Variants in FBXO42 observed in about 807,000 individuals in gnomAD.
FBXO42 encodes F-box only protein 42.
A neutral mutation model predicts 71.7 loss-of-function variants in FBXO42; 12 were observed. That is an observed-to-expected ratio of 0.17 (90% CI 0.11 to 0.27). FBXO42 has a LOEUF of 0.27. Among genes scored for constraint, FBXO42 ranks in the 10% least tolerant of loss-of-function variants. FBXO42 has a pLI of 1.00. For synonymous variants in FBXO42, 325 were observed against 327.5 expected (o/e 0.99, Z 0.08); for missense variants, 707 against 911.9 (o/e 0.78, Z 2.89).
intron 4 of FBXO42, among the ~76,000 whole-genome samples, chr1:16,276,361 C>A (rs1352025760): frequency 7.0e-6 from 1 of 142,740 alleles, no homozygotes; most frequent in East Asian, 2.0e-4. Context: ...GCCCGGGCGA[C>A]AGACCGACAC....
intron 4 of FBXO42, among the ~76,000 whole-genome samples, chr1:16,269,203 T>C (rs1191316812): frequency 6.7e-6 from 1 of 150,292 alleles, no homozygotes; most frequent in African/African-American, 2.5e-5. Context: ...TTCTCCTGCC[T>C]CAGCCTCCTA....
intron 3 of FBXO42, among the ~76,000 whole-genome samples, chr1:16,303,661 G>C (rs892112964): frequency 6.6e-6 from 1 of 151,040 alleles, no homozygotes; most frequent in Non-Finnish European, 1.5e-5. Context: ...TCCGCCTCCC[G>C]GGTTCAAGTG....
chr1:16,287,219 T>C (rs989869984), intron 4 of FBXO42, among the ~76,000 whole-genome samples: 1 of 152,332 alleles, frequency 6.6e-6, no homozygotes, highest in Admixed American at 6.5e-5. Context: ...CTCTGGGTCT[T>C]TGCACTGATT....
At chr1:16,335,869 CAAA>C (rs59693692) in intron 1 of FBXO42, among the ~76,000 whole-genome samples, 13 of 84,428 alleles carry the variant, frequency 1.5e-4, no homozygotes, top group Non-Finnish European at 2.8e-4. Flanking sequence ...TCCATCGCGC[CAAA>C]AAAAAAAAAA....
chr1:16,350,696 G>A (rs1413974654), intron 1 of FBXO42, among the ~76,000 whole-genome samples: 3 of 137,828 alleles, frequency 2.2e-5, no homozygotes, highest in Non-Finnish European at 3.0e-5. Flanking sequence ...GCAGAGAGCC[G>A]AGACTGTGCT....
intron 3 of FBXO42, among the ~76,000 whole-genome samples, chr1:16,295,185 T>G (rs985563467): frequency 1.3e-5 from 2 of 152,156 alleles, no homozygotes; most frequent in Non-Finnish European, 2.9e-5. Flanking sequence ...CAAGAACACA[T>G]AATAATTCAC....
rs763820093 is a variant in FBXO42, at chr1:16,315,329, C to A, written c.90G>T (p.Glu30Asp). The A allele has an allele frequency of 6.2e-7, 1 of 1,614,148 alleles. No homozygotes were observed. The highest frequency in any genetic ancestry group is 1.1e-5 in the South Asian group (1 of 91,076). Residue 30 changes from glutamate (E) to aspartate (D), a missense_variant, in exon 2 of 10, where the codon GAG (glutamate) becomes GAT (aspartate). Physicochemically the swap from Glu to Asp is conservative, Grantham distance 45. Around this residue, in one of 5 missense-constraint regions of FBXO42, gnomAD observed 188 missense variants for 230.5 expected, o/e 0.82. Coordinates refer to ENST00000375592, the MANE Select transcript of FBXO42 (RefSeq NM_018994.3). ...CAGCCTCCAATACTGGGTGGGGCTCCTCATCTTGATCCATTGTCCCTTCCA... is the reference window on the plus strand; with the variant it reads ...CAGCCTCCAATACTGGGTGGGGCTCATCATCTTGATCCATTGTCCCTTCCA... Reference protein sequence around the residue: ...TVLEGTMDQDEEPHPVLEAEE... With the variant: ...TVLEGTMDQDDEPHPVLEAEE...
intron 4 of FBXO42, among the ~76,000 whole-genome samples, chr1:16,277,659 A>G (rs1347175354): frequency 2.7e-5 from 4 of 150,148 alleles, no homozygotes; most frequent in African/African-American, 9.9e-5. Flanking sequence ...CAGGAGGCGG[A>G]GGTTGCAATG....
chr1:16,305,904 C>T lies in FBXO42; in HGVS notation c.266G>A (p.Cys89Tyr). The T allele has an allele frequency of 6.2e-7, 1 of 1,613,572 alleles. No individual in the cohort carries two copies. ...YRLIKGVAHQ[C>Y]YHGFMKAVQE... ...GACAGCCTTCATGAAACCATGATAA[C>T]ACTGATGGGCTACACCTAAGACAGA... Residue 89 changes from cysteine (C) to tyrosine (Y), a missense_variant, in exon 3 of 10, where the codon TGT becomes TAT. Physicochemically the swap from Cys to Tyr is radical, Grantham distance 194. Around this residue, in one of 5 missense-constraint regions of FBXO42, gnomAD observed 188 missense variants for 230.5 expected, o/e 0.82. Transcript: ENST00000375592.
chr1:16,323,504 A>G (rs971426094), intron 1 of FBXO42, among the ~76,000 whole-genome samples: 10 of 151,406 alleles, frequency 6.6e-5, no homozygotes, highest in Non-Finnish European at 4.4e-5. Flanking sequence ...TAACTAAAGA[A>G]TAAGGGACAG....
chr1:16,282,886 C>G (rs1314372843), intron 4 of FBXO42, among the ~76,000 whole-genome samples: 3 of 151,514 alleles, frequency 2.0e-5, no homozygotes, highest in Non-Finnish European at 4.4e-5. Flanking sequence ...GAAGCTGAGG[C>G]AGGAGAACTG....
chr1:16,308,580 A>G (rs1162276424), intron 2 of FBXO42, among the ~76,000 whole-genome samples: 2 of 149,072 alleles, frequency 1.3e-5, no homozygotes, highest in Admixed American at 1.4e-4. Context: ...GTTCACCACA[A>G]TCTCTGCCTC....
intron 4 of FBXO42, among the ~76,000 whole-genome samples, chr1:16,271,313 C>A (rs1291949219): frequency 6.7e-6 from 1 of 148,242 alleles, no homozygotes; most frequent in Non-Finnish European, 1.5e-5. Context: ...TGGCATCTAA[C>A]TCTGTTGCCC....
At chr1:16,261,306 C>T (rs752162530) in intron 4 of FBXO42, among the ~76,000 whole-genome samples, 2 of 152,102 alleles carry the variant, frequency 1.3e-5, no homozygotes, top group African/African-American at 4.8e-5. Context: ...AAGCTGAGGC[C>T]AGTGATAATG....
At chr1:16,321,262 T>C (rs2082407714) in intron 1 of FBXO42, among the ~76,000 whole-genome samples, 1 of 152,198 alleles carries the variant, frequency 6.6e-6, no homozygotes, top group South Asian at 2.1e-4. Flanking sequence ...CACACATGGG[T>C]GAGCTCAGAT....
chr1:16,332,384 CA>C (rs147075657), intron 1 of FBXO42, among the ~76,000 whole-genome samples: 4 of 151,338 alleles, frequency 2.6e-5, no homozygotes, highest in African/African-American at 7.3e-5. Context: ...TATTATTCTC[CA>C]AAAAAAATGC....
chr1:16,326,014 TTG>T (rs34752325), intron 1 of FBXO42, among the ~76,000 whole-genome samples: 3,319 of 137,496 alleles, frequency 0.024, 80 homozygotes, highest in African/African-American at 0.065. Flanking sequence ...GTGCCCAAAT[TTG>T]TGTGTGTGTG....
At chr1:16,313,992 C>T (rs1374462061) in intron 2 of FBXO42, among the ~76,000 whole-genome samples, 1 of 152,144 alleles carries the variant, frequency 6.6e-6, no homozygotes, top group South Asian at 2.1e-4. Context: ...CTTGCTCTGT[C>T]GCCCAGGCTG....
intron 1 of FBXO42, among the ~76,000 whole-genome samples, chr1:16,336,582 C>T (rs2082555483): frequency 6.7e-6 from 1 of 148,890 alleles, no homozygotes; most frequent in African/African-American, 2.5e-5. Context: ...GTCTTGAACT[C>T]CTGACCTCAA....
Sources: allele counts gnomAD v4.1 joint callset (sites outside exome capture counted in the v4.1 genomes callset), GRCh38; gene constraint gnomAD v4.1.1; regional missense constraint gnomAD v4.1.1; transcripts MANE v1.5; gene names NCBI Gene and HGNC (gene_info 2026-07-23, HGNC 2026-07-21).